The following TRHDE variants were observed in gnomAD, a reference collection of about 807,000 sequenced individuals.
TRHDE encodes the protein thyrotropin releasing hormone degrading enzyme, also known as thyrotropin-releasing hormone-degrading ectoenzyme.
TRHDE carries 72 observed loss-of-function variants against 125.7 expected under a neutral mutation model. The observed-to-expected ratio is 0.57, with a 90% CI of 0.47 to 0.70. The LOEUF (loss-of-function observed/expected upper bound fraction) is 0.70, where lower values mean the gene tolerates loss of function less well. Among genes scored for constraint, TRHDE ranks in the 30% least tolerant of loss-of-function variants. The pLI is 0.00. For missense variants in TRHDE, 1,110 were observed against 1,327.1 expected, an observed-to-expected ratio of 0.84 and a Z score of 2.54; for synonymous variants, 509 against 509.1, an observed-to-expected ratio of 1.00 and a Z score of 0.00.
chr12:72,109,293 A>G (rs1415978936), intron 2 of TRHDE, among the ~76,000 whole-genome samples: 2 of 152,036 alleles, frequency 1.3e-5, no homozygotes, highest in African/African-American at 4.8e-5. Context: ...CTCTCATACT[A>G]TAAAAGATGC....
chr12:72,404,593 T>C (rs1873188781), intron 3 of TRHDE, among the ~76,000 whole-genome samples: 1 of 152,204 alleles, frequency 6.6e-6, no homozygotes, highest in African/African-American at 2.4e-5. Flanking sequence ...ACATCTTACA[T>C]GGTGGCTGGC....
intron 2 of TRHDE, among the ~76,000 whole-genome samples, chr12:72,325,299 T>C (rs1444909565): frequency 2.0e-5 from 3 of 152,176 alleles, no homozygotes; most frequent in Non-Finnish European, 4.4e-5. Context: ...ATAGCCACCA[T>C]TCTTTTAACA....
intron 12 of TRHDE, among the ~76,000 whole-genome samples, chr12:72,595,007 G>C (rs1871867375): frequency 6.7e-6 from 1 of 150,002 alleles, no homozygotes; most frequent in African/African-American, 2.5e-5. Flanking sequence ...GTAAACTATT[G>C]CAAGGACAAA....
chr12:72,278,826 A>G (rs1023488557), intron 1 of TRHDE, among the ~76,000 whole-genome samples: 12 of 152,272 alleles, frequency 7.9e-5, no homozygotes, highest in African/African-American at 7.2e-5. Flanking sequence ...TGATTTCATT[A>G]TATGTTTTGG....
intron 3 of TRHDE, among the ~76,000 whole-genome samples, chr12:72,424,378 A>G (rs946136010): frequency 3.3e-5 from 5 of 152,094 alleles, no homozygotes; most frequent in African/African-American, 1.2e-4. Flanking sequence ...CCCATCTTAA[A>G]TTGCTTCAAG....
At chr12:72,440,717 A>G (rs1299662853) in intron 3 of TRHDE, among the ~76,000 whole-genome samples, 1 of 151,888 alleles carries the variant, frequency 6.6e-6, no homozygotes, top group African/African-American at 2.4e-5. Flanking sequence ...TGGCTCTAGC[A>G]TCTGAGGTAC....
intron 2 of TRHDE, among the ~76,000 whole-genome samples, chr12:72,308,680 T>G (rs1402468724): frequency 6.6e-6 from 1 of 152,252 alleles, no homozygotes; most frequent in Non-Finnish European, 1.5e-5. Context: ...ACACTCATTT[T>G]TTAAAATAGA....
At chr12:72,333,182 A>G (rs1352263120) in intron 2 of TRHDE, among the ~76,000 whole-genome samples, 4 of 152,354 alleles carry the variant, frequency 2.6e-5, no homozygotes, top group Admixed American at 6.5e-5. Context: ...ACTCAGGGCA[A>G]AGAACTTTGG....
intron 4 of TRHDE, among the ~76,000 whole-genome samples, chr12:72,470,838 G>C (rs1458845717): frequency 7.0e-6 from 1 of 142,980 alleles, no homozygotes; most frequent in East Asian, 2.3e-4. Context: ...ATCCGGGTCA[G>C]ACGACCGTTC....
chr12:72,386,073 T>G (rs1426942394), intron 3 of TRHDE, among the ~76,000 whole-genome samples: 2 of 152,212 alleles, frequency 1.3e-5, no homozygotes, highest in African/African-American at 4.8e-5. Flanking sequence ...GGTTTTTTAT[T>G]ATTTTGCTAG....
chr12:72,231,356 A>C (rs910193519), intron 2 of TRHDE, among the ~76,000 whole-genome samples: 1 of 152,120 alleles, frequency 6.6e-6, no homozygotes, highest in Non-Finnish European at 1.5e-5. Flanking sequence ...AGTTTGAAAA[A>C]CATATTATGC....
intron 6 of TRHDE, among the ~76,000 whole-genome samples, chr12:72,518,514 C>T (rs1211117764): frequency 6.6e-6 from 1 of 152,148 alleles, no homozygotes; most frequent in East Asian, 1.9e-4. Context: ...CTTCCTCCAT[C>T]CTTTTATTTT....
At chr12:72,377,779 G>T (rs775357778) in intron 2 of TRHDE, among the ~76,000 whole-genome samples, 1 of 152,114 alleles carries the variant, frequency 6.6e-6, no homozygotes, top group Non-Finnish European at 1.5e-5. Flanking sequence ...CTTGTAAAGC[G>T]AGGAAATTGT....
At chr12:72,500,261 T>G (rs539283586) in intron 6 of TRHDE, among the ~76,000 whole-genome samples, 1 of 152,342 alleles carries the variant, frequency 6.6e-6, no homozygotes, top group East Asian at 1.9e-4. Context: ...ATCTCTTAGT[T>G]GTTCTAATTT....
At chr12:72,376,779 CTTTA>C (rs66654343) in intron 2 of TRHDE, among the ~76,000 whole-genome samples, 9,520 of 151,742 alleles carry the variant, frequency 0.063, 379 homozygotes, top group Middle Eastern at 0.14. Flanking sequence ...ACATGTACAG[CTTTA>C]TTTGTTTTTA....
Position 72,495,060 on chromosome 12 carries a change from GTTTTTTTT to G in TRHDE, c.1585-4419_1585-4412del, listed in dbSNP as rs751243542. ...CATTTCTGTCAATAGTTCCTCCCCC[GTTTTTTTT>G]TTTTTTTTTTTTTTTTTTAAGTTTC... is the stretch of plus-strand genomic sequence containing the variant. On this transcript the variant is annotated intron_variant, in intron 5 of 18. Transcript: ENST00000261180. Among the ~76,000 whole-genome samples the G allele has an allele frequency of 6.9e-5, 4 of 58,390 alleles. 1 individual carries two copies. The highest frequency in any genetic ancestry group is 2.2e-4 in the African/African-American group (3 of 13,478). 38.3% of individuals were successfully genotyped at this position (58,390 alleles called of 152,430 possible). A position where few individuals can be genotyped will look rare whatever the true frequency, so the allele number is the denominator to read the frequency against.
chr12:72,216,364 G>A (rs1347684338), intron 2 of TRHDE, among the ~76,000 whole-genome samples: 1 of 152,024 alleles, frequency 6.6e-6, no homozygotes, highest in Non-Finnish European at 1.5e-5. Flanking sequence ...GTAGATGTAG[G>A]GCTAGCATTT....
chr12:72,092,640 A>G (rs548743143), intron 1 of TRHDE, among the ~76,000 whole-genome samples: 3 of 152,352 alleles, frequency 2.0e-5, no homozygotes, highest in South Asian at 4.1e-4. Context: ...CTTAGACTGC[A>G]TGCAAACAGT....
At position 72,174,911 on chromosome 12, in the gene TRHDE, T is replaced by A. The variant is rs540776900; in HGVS notation, n.279+69159T>A. ...CAGGGAGCTATATTGTCAAAGTAAA[T>A]ATCTTGTTTTAATTCTACTTTCACA... On this transcript the variant is annotated intron_variant and non_coding_transcript_variant, in intron 2 of 4. Coordinates refer to the TRHDE transcript ENST00000548156. 2.6e-5 allele frequency among the ~76,000 whole-genome samples: 4 copies of A among 152,328 alleles called. No homozygotes were observed. The South Asian group carries it at 8.3e-4, about 32-fold the overall frequency.
Sources: allele counts gnomAD v4.1 joint callset (sites outside exome capture counted in the v4.1 genomes callset), GRCh38; gene constraint gnomAD v4.1.1; transcripts MANE v1.5; gene names NCBI Gene and HGNC (gene_info 2026-07-23, HGNC 2026-07-21).